The following ZNF709 variants were observed in gnomAD, a reference collection of about 807,000 sequenced individuals.
The protein encoded by ZNF709 is zinc finger protein 709.
ZNF709 carries 15 observed loss-of-function variants against 10.6 expected under a neutral mutation model. That is an observed-to-expected ratio of 1.41 (90% CI 0.95 to 2.18). The LOEUF (loss-of-function observed/expected upper bound fraction) is 2.18, where lower values mean the gene tolerates loss of function less well. Among genes scored for constraint, ZNF709 ranks in the 30% most tolerant of loss-of-function variants. The pLI is 0.00. For missense variants in ZNF709, 589 were observed against 774.0 expected (o/e 0.76, Z 2.84); for synonymous variants, 194 against 238.8 (o/e 0.81, Z 1.73).
At chr19:12,470,914 G>A (rs1349220279) in intron 1 of ZNF709, among the ~76,000 whole-genome samples, 16 of 147,794 alleles carry the variant, frequency 1.1e-4, no homozygotes, top group African/African-American at 2.5e-4. Flanking sequence ...GCAACAGAGC[G>A]AGACTCCACC....
chr19:12,474,336 C>T (rs866518628), intron 1 of ZNF709, among the ~76,000 whole-genome samples: 7 of 152,216 alleles, frequency 4.6e-5, no homozygotes, highest in South Asian at 2.1e-4. Context: ...ATGTCCCCTA[C>T]GTCCATCAAT....
Position 12,466,797 on chromosome 19 carries a change from A to T in ZNF709, c.57T>A (p.Ala19=), listed in dbSNP as rs370659051. ...VAVNFTQEEW[A]LLGPSQKKLY... ...GTTTCTTCTGAGAGGGACCCAGCAAAGCCCACTCCTCCTGGGTGAAGTTCA... is the reference window on the plus strand; with the variant it reads ...GTTTCTTCTGAGAGGGACCCAGCAATGCCCACTCCTCCTGGGTGAAGTTCA... Residue 19 remains alanine, a synonymous_variant, in exon 2 of 4, where the codon GCT becomes GCA. Transcript: ENST00000397732. 2.5e-5 allele frequency: 41 copies of T among 1,613,930 alleles called. No homozygotes were observed. The highest frequency in any genetic ancestry group is 3.2e-5 in the Non-Finnish European group (38 of 1,179,996).
Position 12,464,978 on chromosome 19 carries a change from T to A in ZNF709, c.944A>T (p.Lys315Ile), listed in dbSNP as rs767262465. ...EKPYKCKKCG[K>I]AFSFPSSFRK... The stretch of plus-strand genomic sequence containing the variant: ...AAAGGAACTAGGAAAACTGAAGGCT[T>A]TCCCACATTTTTTACATTTATAGGG... The change falls in exon 4 of 4, where the codon AAA (lysine) becomes ATA (isoleucine). Residue 315 changes from lysine (K) to isoleucine (I), a missense_variant. This residue lies in a region of ZNF709 where 418 missense variants were observed against 496.3 expected (regional missense o/e 0.84). Transcript: ENST00000397732. 5 of 1,606,412 alleles carry A rather than the reference T, an allele frequency of 3.1e-6. No homozygotes were observed. Among genetic ancestry groups the A allele is most frequent in the Non-Finnish European group, 4.2e-6 (5 of 1,177,678 alleles).
intron 1 of ZNF709, among the ~76,000 whole-genome samples, chr19:12,480,614 C>A (rs1970717930): frequency 6.7e-6 from 1 of 149,340 alleles, no homozygotes. Flanking sequence ...ACCTGGGAGG[C>A]AGAGCTTGCG....
chr19:12,464,257 AGT>A lies in ZNF709; in HGVS notation c.1663_1664del (p.Thr555TrpfsTer6). On this transcript the variant is annotated frameshift_variant, in exon 4 of 4. Transcript: ENST00000397732. LOFTEE classifies it low-confidence loss of function (END_TRUNC). Reference sequence around the variant, plus strand: ...GTTTACACTCATAAGGTTTCTCTCCAGTGTGAGTCCTTTCATGTATTCGAATG... The same window carrying A: ...GTTTACACTCATAAGGTTTCTCTCCAGTGAGTCCTTTCATGTATTCGAATG... ...SSIRIHERTHTGEKPYECKQC... is the reference protein window; with the variant it reads ...SSIRIHERTHXGEKPYECKQC... 6.2e-7 allele frequency: 1 copy of A among 1,600,510 alleles called. No homozygotes were observed. The highest frequency in any genetic ancestry group is 8.5e-7 in the Non-Finnish European group (1 of 1,173,808).
chr19:12,476,904 G>A (rs1970682116), intron 1 of ZNF709, among the ~76,000 whole-genome samples: 1 of 151,826 alleles, frequency 6.6e-6, no homozygotes, highest in African/African-American at 2.4e-5. Flanking sequence ...CCAAAACAAT[G>A]TCCTCAGACA....
At chr19:12,481,257 G>A (rs1970724584) in intron 1 of ZNF709, 6 of 844,520 alleles carry the variant, frequency 7.1e-6, no homozygotes, top group Non-Finnish European at 8.5e-6. Flanking sequence ...TTGAGATGGA[G>A]TCCTGCTCTG....
chr19:12,467,291 C>T (rs543146782), intron 1 of ZNF709, among the ~76,000 whole-genome samples: 35 of 152,326 alleles, frequency 2.3e-4, no homozygotes, highest in African/African-American at 7.9e-4. Context: ...GCGCGCGCGC[C>T]GCCACGCCTG....
chr19:12,468,843 G>A (rs1297407606), intron 1 of ZNF709, among the ~76,000 whole-genome samples: 7 of 151,746 alleles, frequency 4.6e-5, no homozygotes, highest in African/African-American at 4.9e-5. Context: ...AAATCTGTAC[G>A]AGATTTTTTT....
At chr19:12,467,244 T>G (rs1417204888) in intron 1 of ZNF709, among the ~76,000 whole-genome samples, 1 of 152,122 alleles carries the variant, frequency 6.6e-6, no homozygotes, top group Non-Finnish European at 1.5e-5. Flanking sequence ...CCTGCCTGAT[T>G]CTCCTGCCTC....
At position 12,465,200 on chromosome 19, in the gene ZNF709, T is replaced by G; in HGVS notation, c.722A>C (p.Asn241Thr). 1.9e-6 allele frequency: 3 copies of G among 1,612,778 alleles called. No homozygotes were observed. The highest frequency in any genetic ancestry group is 2.5e-6 in the Non-Finnish European group (3 of 1,179,032). Residue 241 changes from asparagine (N) to threonine (T), a missense_variant, in exon 4 of 4, where the codon AAT becomes ACT. Physicochemically the swap from Asn to Thr is moderately conservative, Grantham distance 65. Coordinates refer to ENST00000397732, the MANE Select transcript of ZNF709 (RefSeq NM_152601.4). The stretch of plus-strand genomic sequence containing the variant: ...CTCTCCAGAGTGAGTTCTTTCATGA[T>G]TTCGAAAAGAACTGGGATGACTGAA... ...KTFSHPSSFR[N>T]HERTHSGEKP...
At chr19:12,475,282 A>AAAAAAAAC (rs1970666964) in intron 1 of ZNF709, among the ~76,000 whole-genome samples, 3 of 149,204 alleles carry the variant, frequency 2.0e-5, no homozygotes, top group Non-Finnish European at 3.0e-5. Context: ...AAAAAAAAAA[A>AAAAAAAAC]TCTAAGCATC....
chr19:12,475,317 G>A (rs759826381), intron 1 of ZNF709, among the ~76,000 whole-genome samples: 92 of 128,778 alleles, frequency 7.1e-4, no homozygotes, highest in Non-Finnish European at 1.4e-3. Flanking sequence ...AAGAAAATAT[G>A]AGCAAATTAA....
intron 1 of ZNF709, among the ~76,000 whole-genome samples, chr19:12,475,257 T>A (rs1398945736): frequency 1.8e-4 from 8 of 44,738 alleles, no homozygotes; most frequent in African/African-American, 3.2e-4. Flanking sequence ...GATTCCGTCT[T>A]AAAAAAAAAA....
At chr19:12,466,599 T>C in intron 2 of ZNF709, 80 bp from the exon 3 acceptor site, 1 of 1,598,678 alleles carries the variant, frequency 6.3e-7, no homozygotes, top group Non-Finnish European at 8.6e-7. Context: ...TAGGATGAGC[T>C]GTTATCCTGT....
At chr19:12,469,630 G>A (rs1408968986) in intron 1 of ZNF709, among the ~76,000 whole-genome samples, 1 of 152,052 alleles carries the variant, frequency 6.6e-6, no homozygotes, top group Non-Finnish European at 1.5e-5. Context: ...TTAGCTGGGT[G>A]TGGTGGTGGG....
chr19:12,467,868 C>T (rs1224158368), intron 1 of ZNF709, among the ~76,000 whole-genome samples: 1 of 151,426 alleles, frequency 6.6e-6, no homozygotes, highest in Non-Finnish European at 1.5e-5. Context: ...CTCCTCCTGG[C>T]AGCCACCCTG....
intron 1 of ZNF709, among the ~76,000 whole-genome samples, chr19:12,469,574 C>G (rs1970616890): frequency 6.6e-6 from 1 of 152,006 alleles, no homozygotes; most frequent in Admixed American, 6.6e-5. Flanking sequence ...AGAGACCATC[C>G]TGGCTAACAT....
rs887295055 is a variant in ZNF709, at chr19:12,462,682, A to G, written c.*1314T>C. Reference sequence around the variant, plus strand: ...TCAGAAAGATGAAATACATATAATGATATCTAGTACCTGCCACATAAGGCC... The same window carrying G: ...TCAGAAAGATGAAATACATATAATGGTATCTAGTACCTGCCACATAAGGCC... On this transcript the variant is annotated 3_prime_UTR_variant, in exon 4 of 4. Coordinates refer to ENST00000397732, the MANE Select transcript of ZNF709 (RefSeq NM_152601.4). The G allele has an allele frequency of 3.3e-5, 5 of 152,230 alleles. No individual in the cohort carries two copies. The highest frequency in any genetic ancestry group is 1.2e-4 in the African/African-American group (5 of 41,466). 9.4% of individuals were successfully genotyped at this position (152,230 alleles called of 1,614,324 possible).
Sources: allele counts gnomAD v4.1 joint callset (sites outside exome capture counted in the v4.1 genomes callset), GRCh38; gene constraint gnomAD v4.1.1; regional missense constraint gnomAD v4.1.1; transcripts MANE v1.5; gene names NCBI Gene and HGNC (gene_info 2026-07-23, HGNC 2026-07-21).